NOL4: variants seen among roughly 807,000 people sequenced by gnomAD.
NOL4 encodes cancer/testis antigen 125.
A neutral mutation model predicts 75.9 loss-of-function variants in NOL4; 17 were observed. The ratio of observed to expected loss-of-function variants is 0.22; its 90% CI spans 0.15 to 0.34. The LOEUF is 0.34. NOL4 is among the 10% of genes least tolerant of loss of function. The pLI is 1.00. For missense variants in NOL4, 614 were observed against 793.5 expected, an observed-to-expected ratio of 0.77 and a Z score of 2.72; for synonymous variants, 292 against 289.9, an observed-to-expected ratio of 1.01 and a Z score of -0.07.
intron 1 of NOL4, among the ~76,000 whole-genome samples, chr18:34,159,260 C>T (rs1329254510): frequency 6.6e-6 from 1 of 152,222 alleles, no homozygotes; most frequent in Non-Finnish European, 1.5e-5. Context: ...GGGAGCAGTG[C>T]TCCCAACCCG....
In NOL4 at chr18:34,032,560, C is replaced by T. The variant is rs77907929; in HGVS notation, c.773-12959G>A. Among the ~76,000 whole-genome samples, 719 of 152,298 alleles carry T rather than the reference C, an allele frequency of 4.7e-3. 8 individuals are homozygous for T. Among genetic ancestry groups the T allele is most frequent in the Non-Finnish European group, 6.4e-3 (433 of 68,012 alleles). ...GCTGGCATCTATCTGCACATAGCAC[C>T]TGTGAGCATTGAGACTGGCCCACTC... is the stretch of plus-strand genomic sequence containing the variant. On this transcript the variant is annotated intron_variant, in intron 5 of 10. Coordinates refer to ENST00000261592, the MANE Select transcript of NOL4 (RefSeq NM_003787.5).
At chr18:34,140,723 T>C (rs2081113076) in intron 1 of NOL4, among the ~76,000 whole-genome samples, 1 of 152,318 alleles carries the variant, frequency 6.6e-6, no homozygotes, top group South Asian at 2.1e-4. Context: ...CCTGTCATTA[T>C]GATGTTAGCT....
chr18:33,864,593 T>G (rs2063338594), intron 10 of NOL4, among the ~76,000 whole-genome samples: 1 of 152,282 alleles, frequency 6.6e-6, no homozygotes, highest in South Asian at 2.1e-4. Flanking sequence ...ATCTTCCTGT[T>G]TTCCTCTGAG....
chr18:34,034,641 G>A (rs980465180), intron 5 of NOL4, among the ~76,000 whole-genome samples: 4 of 151,906 alleles, frequency 2.6e-5, no homozygotes, highest in Non-Finnish European at 5.9e-5. Context: ...CAGGAGGCTG[G>A]GGCATGAGAA....
At chr18:34,027,790 A>G (rs2075421745) in intron 5 of NOL4, among the ~76,000 whole-genome samples, 1 of 152,208 alleles carries the variant, frequency 6.6e-6, no homozygotes, top group African/African-American at 2.4e-5. Context: ...CAACAGAAGA[A>G]GAGAAAACAT....
chr18:34,174,311 A>AC (rs5823937), intron 1 of NOL4, among the ~76,000 whole-genome samples: 138,210 of 152,200 alleles, frequency 0.91, 62,984 homozygotes, highest in African/African-American at 0.97. Flanking sequence ...TCTTCATAAA[A>AC]AATTTTAAAA....
intron 6 of NOL4, among the ~76,000 whole-genome samples, chr18:34,014,819 C>T (rs2074587668): frequency 6.6e-6 from 1 of 151,968 alleles, no homozygotes; most frequent in African/African-American, 2.4e-5. Flanking sequence ...AGTTAATTTG[C>T]ATAATAATAA....
intron 10 of NOL4, among the ~76,000 whole-genome samples, chr18:33,873,403 T>G (rs1392719288): frequency 6.6e-6 from 1 of 151,990 alleles, no homozygotes; most frequent in Admixed American, 6.6e-5. Flanking sequence ...CATTTTCCTA[T>G]GACCCTGGTT....
At chr18:34,139,286 G>A (rs560304944) in intron 1 of NOL4, among the ~76,000 whole-genome samples, 7 of 152,182 alleles carry the variant, frequency 4.6e-5, no homozygotes, top group South Asian at 4.1e-4. Flanking sequence ...AGTAGAATTC[G>A]GCTGTGAATC....
intron 6 of NOL4, among the ~76,000 whole-genome samples, chr18:33,975,643 C>A (rs943456159): frequency 1.3e-5 from 2 of 152,094 alleles, no homozygotes; most frequent in African/African-American, 4.8e-5. Flanking sequence ...GGCATGGTGG[C>A]GGGTACCTGT....
intron 1 of NOL4, among the ~76,000 whole-genome samples, chr18:34,166,960 C>G (rs1600776599): frequency 1.2e-5 from 1 of 86,748 alleles, no homozygotes; most frequent in East Asian, 3.2e-4. Context: ...ATGGCGTGAA[C>G]CCGGGAAGCG....
intron 1 of NOL4, among the ~76,000 whole-genome samples, chr18:34,153,894 T>C (rs1306820041): frequency 6.6e-6 from 1 of 151,910 alleles, no homozygotes; most frequent in East Asian, 1.9e-4. Context: ...GAAGTAAAAG[T>C]GAAAGTAACA....
At chr18:34,070,499 A>G (rs1239467987) in intron 5 of NOL4, among the ~76,000 whole-genome samples, 1 of 152,244 alleles carries the variant, frequency 6.6e-6, no homozygotes, top group Non-Finnish European at 1.5e-5. Context: ...AGGAACAACC[A>G]TAAGAATGAT....
intron 10 of NOL4, among the ~76,000 whole-genome samples, chr18:33,873,526 C>T (rs1009977867): frequency 1.3e-5 from 2 of 151,942 alleles, no homozygotes; most frequent in African/African-American, 4.8e-5. Flanking sequence ...AAACATTTCC[C>T]TTCTTCCAAT....
intron 6 of NOL4, among the ~76,000 whole-genome samples, chr18:34,016,312 T>C (rs10502616): frequency 0.17 from 25,807 of 152,046 alleles, 2,711 homozygotes; most frequent in East Asian, 0.39. Flanking sequence ...CTCATTACTT[T>C]TTTCTAGTGC....
chr18:33,918,502 T>C lies in NOL4; in HGVS notation c.1542+24563A>G, dbSNP rs181588975. On this transcript the variant is annotated intron_variant, in intron 9 of 10. Coordinates refer to ENST00000261592, the MANE Select transcript of NOL4 (RefSeq NM_003787.5). ...CCACATCTTCACCCATGCTAAGATC[T>C]AGAAAAGGGAAGTATCAAATTTAAA... Among the ~76,000 whole-genome samples, 435 of 152,302 alleles carry C rather than the reference T, an allele frequency of 2.9e-3. 4 individuals are homozygous for C. Among genetic ancestry groups the C allele is most frequent in the Middle Eastern group, 6.8e-3 (2 of 294 alleles).
intron 1 of NOL4, among the ~76,000 whole-genome samples, chr18:34,160,083 C>T (rs2031219364): frequency 6.6e-6 from 1 of 152,118 alleles, no homozygotes; most frequent in African/African-American, 2.4e-5. Flanking sequence ...CAAACCCAGG[C>T]GGAGAAGGGT....
chr18:34,116,177 T>G (rs1260727176), intron 2 of NOL4, among the ~76,000 whole-genome samples: 2 of 152,146 alleles, frequency 1.3e-5, no homozygotes, highest in African/African-American at 4.8e-5. Context: ...AAAATCAGCC[T>G]CTGGAGCAAT....
chr18:34,133,071 G>A (rs145998841), intron 1 of NOL4, among the ~76,000 whole-genome samples: 157 of 152,000 alleles, frequency 1.0e-3, no homozygotes, highest in Non-Finnish European at 1.3e-3. Flanking sequence ...TCAGGAGTTC[G>A]AGACCAGCCT....
Sources: gnomAD v4.1 joint callset for allele counts (sites outside exome capture counted in the v4.1 genomes callset) on GRCh38, gnomAD v4.1.1 for gene constraint, MANE v1.5 for transcripts, NCBI Gene and HGNC (gene_info 2026-07-23, HGNC 2026-07-21) for gene names.